The following MSRB3 variants were observed in gnomAD, a reference collection of about 807,000 sequenced individuals.
MSRB3 encodes the protein methionine sulfoxide reductase B3.
MSRB3 carries 13 observed loss-of-function variants against 21.0 expected under a neutral mutation model. That is an observed-to-expected ratio of 0.62 (90% CI 0.40 to 0.98). The LOEUF (loss-of-function observed/expected upper bound fraction) is 0.98, where lower values mean the gene tolerates loss of function less well. Ranked by LOEUF, MSRB3 falls within the 50% of genes least tolerant of loss-of-function variation. The pLI is 0.00. For missense variants in MSRB3, 199 were observed against 230.3 expected (o/e 0.86, Z 0.88); for synonymous variants, 87 against 88.6 (o/e 0.98, Z 0.10).
chr12:65,359,343 A>G (rs1877571806), intron 4 of MSRB3, among the ~76,000 whole-genome samples: 2 of 152,008 alleles, frequency 1.3e-5, no homozygotes, highest in Non-Finnish European at 1.5e-5. Flanking sequence ...TCTGTCAGTA[A>G]TTGTGTCTAG....
intron 5 of MSRB3, among the ~76,000 whole-genome samples, chr12:65,434,734 T>C (rs1336253392): frequency 6.6e-6 from 1 of 151,946 alleles, no homozygotes; most frequent in Non-Finnish European, 1.5e-5. Flanking sequence ...CTCTTAAAGA[T>C]TGTTTCCATC....
chr12:65,388,892 A>G (rs547552206), intron 5 of MSRB3, among the ~76,000 whole-genome samples: 1 of 152,290 alleles, frequency 6.6e-6, no homozygotes, highest in East Asian at 1.9e-4. Flanking sequence ...AGAAGAGAAG[A>G]GAAAAGCTTT....
chr12:65,326,418 G>T (rs968234017), intron 2 of MSRB3, among the ~76,000 whole-genome samples: 1 of 151,996 alleles, frequency 6.6e-6, no homozygotes, highest in Non-Finnish European at 1.5e-5. Context: ...CAAAATTATT[G>T]CAGACTTACG....
chr12:65,402,386 C>A (rs759935127), intron 5 of MSRB3, among the ~76,000 whole-genome samples: 1 of 152,110 alleles, frequency 6.6e-6, no homozygotes, highest in Admixed American at 6.5e-5. Flanking sequence ...GATATCTTTT[C>A]TTCTACTTGA....
chr12:65,394,696 A>C (rs1422448142), intron 5 of MSRB3, among the ~76,000 whole-genome samples: 1 of 152,250 alleles, frequency 6.6e-6, no homozygotes, highest in Non-Finnish European at 1.5e-5. Context: ...CCTTAACAAA[A>C]TACTAGCAAA....
chr12:65,404,254 A>C (rs1880291563), intron 5 of MSRB3, among the ~76,000 whole-genome samples: 3 of 152,202 alleles, frequency 2.0e-5, no homozygotes, highest in African/African-American at 7.2e-5. Context: ...TAACTTTTTT[A>C]GTGGTTGCCC....
At chr12:65,382,492 T>C (rs1878990062) in intron 5 of MSRB3, among the ~76,000 whole-genome samples, 1 of 152,070 alleles carries the variant, frequency 6.6e-6, no homozygotes, top group South Asian at 2.1e-4. Context: ...ATTTATACAG[T>C]AGAATTATCT....
chr12:65,308,060 G>T (rs1209967437), intron 1 of MSRB3, among the ~76,000 whole-genome samples: 1 of 152,142 alleles, frequency 6.6e-6, no homozygotes, highest in Non-Finnish European at 1.5e-5. Context: ...GTATAGCAGG[G>T]TTTTTTAGTC....
At chr12:65,407,801 C>T (rs1040324295) in intron 5 of MSRB3, among the ~76,000 whole-genome samples, 3 of 152,040 alleles carry the variant, frequency 2.0e-5, no homozygotes, top group Non-Finnish European at 2.9e-5. Context: ...CTTTAAACTC[C>T]CAGATTCTTT....
At chr12:65,332,491 TG>T (rs1477860803) in intron 4 of MSRB3, among the ~76,000 whole-genome samples, 1 of 151,562 alleles carries the variant, frequency 6.6e-6, no homozygotes, top group Admixed American at 6.6e-5. Context: ...TGTTGTGGGG[TG>T]GGGTGAGTGG....
At chr12:65,320,086 A>G (rs756956806) in intron 2 of MSRB3, among the ~76,000 whole-genome samples, 1 of 152,142 alleles carries the variant, frequency 6.6e-6, no homozygotes, top group Non-Finnish European at 1.5e-5. Context: ...GTTAATTAGA[A>G]CTCTGTGCAT....
rs935261726 is a variant in MSRB3, at chr12:65,465,203, G to C, written c.*1881G>C. The C allele has an allele frequency of 6.6e-6, 1 of 152,186 alleles. No homozygotes were observed. The highest frequency in any genetic ancestry group is 1.5e-5 in the Non-Finnish European group (1 of 68,052). The allele number at this position is 152,186 out of a possible 1,614,324, so 9.4% of individuals were successfully genotyped here. A position where few individuals can be genotyped will look rare whatever the true frequency, so the allele number is the denominator to read the frequency against. ...CTGCTCAGCTGCTTTATAACATTAA[G>C]TCTGGCGGAATGGATGTCACTGTGC... On this transcript the variant is annotated 3_prime_UTR_variant, in exon 7 of 7. Transcript: ENST00000308259.
chr12:65,386,359 A>T (rs1452997120), intron 5 of MSRB3, among the ~76,000 whole-genome samples: 1 of 151,940 alleles, frequency 6.6e-6, no homozygotes, highest in Non-Finnish European at 1.5e-5. Context: ...AAGAGTAGTT[A>T]TTGGTAAAGA....
intron 5 of MSRB3, among the ~76,000 whole-genome samples, chr12:65,376,383 T>G (rs1565862542): frequency 6.6e-6 from 1 of 152,166 alleles, no homozygotes; most frequent in Non-Finnish European, 1.5e-5. Flanking sequence ...CCTCCCAAAG[T>G]GCTGGGATTG....
At chr12:65,413,141 A>G (rs981191062) in intron 5 of MSRB3, among the ~76,000 whole-genome samples, 62 of 152,198 alleles carry the variant, frequency 4.1e-4, no homozygotes, top group African/African-American at 1.4e-3. Context: ...TGCTTACCCT[A>G]TGTCAACAGT....
chr12:65,413,030 A>G (rs896878017), intron 5 of MSRB3, among the ~76,000 whole-genome samples: 1 of 152,120 alleles, frequency 6.6e-6, no homozygotes, highest in Non-Finnish European at 1.5e-5. Flanking sequence ...ACACGTGGGG[A>G]TGATGGCGAT....
intron 5 of MSRB3, among the ~76,000 whole-genome samples, chr12:65,440,370 T>C (rs1212498025): frequency 6.6e-6 from 1 of 151,866 alleles, no homozygotes; most frequent in Non-Finnish European, 1.5e-5. Context: ...AGAATAATTA[T>C]AATGCAGATG....
intron 1 of MSRB3, among the ~76,000 whole-genome samples, chr12:65,291,278 G>T (rs945324386): frequency 4.0e-5 from 6 of 151,868 alleles, no homozygotes; most frequent in Non-Finnish European, 8.8e-5. Context: ...AAGAGATGGG[G>T]TTTCTCCATG....
At chr12:65,462,312 C>T (rs576792094) in intron 6 of MSRB3, among the ~76,000 whole-genome samples, 18 of 152,138 alleles carry the variant, frequency 1.2e-4, no homozygotes, top group Non-Finnish European at 1.8e-4. Flanking sequence ...CCAGCATCAA[C>T]GCAGTTAGTG....
Sources: allele counts gnomAD v4.1 joint callset (sites outside exome capture counted in the v4.1 genomes callset), GRCh38; gene constraint gnomAD v4.1.1; transcripts MANE v1.5; gene names NCBI Gene and HGNC (gene_info 2026-07-23, HGNC 2026-07-21).